The following SPAG17 variants were observed in gnomAD, a reference collection of about 807,000 sequenced individuals.
SPAG17 encodes sperm associated antigen 17, also known as sperm-associated antigen 17.
SPAG17 carries 169 observed loss-of-function variants against 273.6 expected under a neutral mutation model. The observed-to-expected ratio is 0.62, with a 90% confidence interval of 0.55 to 0.70. The LOEUF (loss-of-function observed/expected upper bound fraction) is 0.70. Among genes scored for constraint, SPAG17 ranks in the 30% least tolerant of loss-of-function variants. SPAG17 has a pLI of 0.00. For missense variants in SPAG17, 2,557 were observed against 2,627.8 expected, an observed-to-expected ratio of 0.97 and a Z score of 0.59; for synonymous variants, 825 against 873.2, an observed-to-expected ratio of 0.94 and a Z score of 0.97.
In SPAG17 at chr1:118,074,618, C is replaced by CA; in HGVS notation, c.2210-19dup. ...GGTCTGCTCTGCAAATCAAAGACACCAACATCCAGTTGTGTTCTGGCTTTG... is the reference window on the plus strand; with the variant it reads ...GGTCTGCTCTGCAAATCAAAGACACCAAACATCCAGTTGTGTTCTGGCTTTG... On this transcript the variant is annotated intron_variant, in intron 15 of 48. Transcript: ENST00000336338. 1 of 1,610,116 alleles carries CA rather than the reference C, an allele frequency of 6.2e-7. No individual in the cohort carries two copies. Among genetic ancestry groups the CA allele is most frequent in the East Asian group, 2.2e-5 (1 of 44,862 alleles).
Position 118,120,712 on chromosome 1 carries a change from G to A in SPAG17, c.316-5271C>T, listed in dbSNP as rs1162712538. Among the ~76,000 whole-genome samples the A allele has an allele frequency of 2.0e-5, 3 of 152,154 alleles. No individual in the cohort carries two copies. In the East Asian group the frequency reaches 5.8e-4, roughly 29 times the overall value. ...GGCTGGTATGGGGCAAGAATAGGAAGAATACAGAATTTGCTTCTGGCTCCT... is the reference window on the plus strand; with the variant it reads ...GGCTGGTATGGGGCAAGAATAGGAAAAATACAGAATTTGCTTCTGGCTCCT... On this transcript the variant is annotated intron_variant, in intron 3 of 48. Coordinates refer to ENST00000336338, the MANE Select transcript of SPAG17 (RefSeq NM_206996.4).
At chr1:118,068,061 C>T (rs371379365) in intron 17 of SPAG17, among the ~76,000 whole-genome samples, 7 of 151,764 alleles carry the variant, frequency 4.6e-5, no homozygotes, top group Admixed American at 1.3e-4. Flanking sequence ...CAGCTGTGGG[C>T]TTTCGTTTTT....
intron 44 of SPAG17, among the ~76,000 whole-genome samples, chr1:117,972,411 G>C (rs189380131): frequency 6.6e-6 from 1 of 152,340 alleles, no homozygotes; most frequent in African/African-American, 2.4e-5. Context: ...ACAGATTGCT[G>C]ACTTTACCCC....
At chr1:118,108,438 G>A (rs986332524) in intron 4 of SPAG17, among the ~76,000 whole-genome samples, 9 of 152,060 alleles carry the variant, frequency 5.9e-5, no homozygotes, top group Admixed American at 6.6e-5. Flanking sequence ...CAGATCAGGC[G>A]CATTCAGCAA....
intron 25 of SPAG17, among the ~76,000 whole-genome samples, chr1:118,029,819 A>G (rs1648214301): frequency 6.6e-6 from 1 of 152,180 alleles, no homozygotes; most frequent in African/African-American, 2.4e-5. Context: ...CTAGTCGTCT[A>G]TTGTTGAACA....
intron 20 of SPAG17, among the ~76,000 whole-genome samples, chr1:118,046,466 G>A (rs1201958757): frequency 6.6e-6 from 1 of 151,822 alleles, no homozygotes; most frequent in African/African-American, 2.4e-5. Flanking sequence ...ATAGTTCCTG[G>A]TATTGTTCTG....
intron 1 of SPAG17, among the ~76,000 whole-genome samples, chr1:118,174,388 A>G (rs1233649200): frequency 6.6e-6 from 1 of 152,204 alleles, no homozygotes; most frequent in Non-Finnish European, 1.5e-5. Flanking sequence ...GGAAATAATC[A>G]GTGAACTCGA....
At chr1:118,115,952 G>A (rs181516469) in intron 3 of SPAG17, among the ~76,000 whole-genome samples, 1 of 152,098 alleles carries the variant, frequency 6.6e-6, no homozygotes, top group African/African-American at 2.4e-5. Flanking sequence ...TGACACAAAG[G>A]CGCCATATGA....
intron 1 of SPAG17, among the ~76,000 whole-genome samples, chr1:118,159,861 C>T (rs757582358): frequency 6.6e-6 from 1 of 152,164 alleles, no homozygotes; most frequent in African/African-American, 2.4e-5. Flanking sequence ...AGAGCCACTA[C>T]ACACCTTAAC....
intron 37 of SPAG17, among the ~76,000 whole-genome samples, chr1:117,991,143 T>C (rs1657027167): frequency 1.3e-5 from 2 of 152,222 alleles, no homozygotes; most frequent in Non-Finnish European, 2.9e-5. Flanking sequence ...TTTCATTCAT[T>C]AGTTCATTCA....
chr1:117,988,168 A>G lies in SPAG17; in HGVS notation c.5558T>C (p.Leu1853Ser). Residue 1853 changes from leucine to serine, a missense_variant, in exon 39 of 49, where the codon TTG (leucine) becomes TCG (serine). Transcript: ENST00000336338. ...TGGTGGGCATTTTGGAGGCGTAGCC[A>G]AAGACTGCTTGAATAAATCAGTTAG... Reference protein sequence around the residue: ...AHLTDLFKQSLATPPKCPPDT... With the variant: ...AHLTDLFKQSSATPPKCPPDT... The G allele has an allele frequency of 6.2e-7, 1 of 1,605,298 alleles. No homozygotes were observed. Among genetic ancestry groups the G allele is most frequent in the South Asian group, 1.1e-5 (1 of 88,822 alleles).
At chr1:118,053,033 T>C (rs576151641) in intron 20 of SPAG17, among the ~76,000 whole-genome samples, 2 of 152,172 alleles carry the variant, frequency 1.3e-5, no homozygotes, top group East Asian at 3.9e-4. Flanking sequence ...ATGATATATG[T>C]AGTTATGTAG....
chr1:117,955,273 C>G, intron 48 of SPAG17: 1 of 1,553,368 alleles, frequency 6.4e-7, no homozygotes, highest in Non-Finnish European at 8.8e-7. Flanking sequence ...TAGTAGAAAC[C>G]AACCAAGAGT....
chr1:118,087,983 A>C (rs1655117487), intron 10 of SPAG17, among the ~76,000 whole-genome samples: 2 of 152,194 alleles, frequency 1.3e-5, no homozygotes, highest in Admixed American at 1.3e-4. Flanking sequence ...CTGGGAACAA[A>C]ATCACTTCCT....
intron 30 of SPAG17, among the ~76,000 whole-genome samples, chr1:118,009,141 T>C (rs1214066169): frequency 1.3e-5 from 2 of 151,982 alleles, no homozygotes; most frequent in South Asian, 2.1e-4. Flanking sequence ...TATACAATTA[T>C]GTAAGATGAA....
intron 8 of SPAG17, among the ~76,000 whole-genome samples, chr1:118,092,666 T>C (rs1655455119): frequency 6.6e-6 from 1 of 152,234 alleles, no homozygotes; most frequent in South Asian, 2.1e-4. Context: ...TCCCTCTCTT[T>C]GCTCTACTCC....
At chr1:118,063,793 C>A (rs1652624372) in intron 18 of SPAG17, among the ~76,000 whole-genome samples, 1 of 152,146 alleles carries the variant, frequency 6.6e-6, no homozygotes, top group Admixed American at 6.5e-5. Context: ...TCAGAGTGAA[C>A]AGGCAACCTA....
chr1:118,149,258 T>TAA (rs1437478295), intron 3 of SPAG17, among the ~76,000 whole-genome samples: 1 of 152,188 alleles, frequency 6.6e-6, no homozygotes, highest in African/African-American at 2.4e-5. Context: ...CTTTCTAACT[T>TAA]AACTCTGGGT....
intron 24 of SPAG17, chr1:118,036,497 G>A (rs1159406990): frequency 5.1e-6 from 1 of 196,054 alleles, no homozygotes; most frequent in Admixed American, 5.9e-5. Context: ...AATCTTATAT[G>A]TATAAGTGAT....
Sources: gnomAD v4.1 joint callset for allele counts (sites outside exome capture counted in the v4.1 genomes callset) on GRCh38, gnomAD v4.1.1 for gene constraint, MANE v1.5 for transcripts, NCBI Gene and HGNC (gene_info 2026-07-23, HGNC 2026-07-21) for gene names.